HDGFL3: variants seen among roughly 807,000 people sequenced by gnomAD.
HDGFL3 encodes the protein hepatoma-derived growth factor-related protein 3.
Under a neutral mutation model 27.6 loss-of-function variants are expected in HDGFL3, and 6 were observed. The ratio of observed to expected loss-of-function variants is 0.22; its 90% CI spans 0.12 to 0.43. The LOEUF is 0.43. Ranked by LOEUF, HDGFL3 falls within the 20% of genes least tolerant of loss-of-function variation. The probability of loss-of-function intolerance (pLI) is 1.00; values close to 1 mark genes in which losing one functional copy is unlikely to be tolerated. For synonymous variants in HDGFL3, 88 were observed against 88.9 expected (o/e 0.99, Z 0.05); for missense variants, 207 against 250.1 (o/e 0.83, Z 1.16).
chr15:83,167,630 A>T (rs190650395), intron 1 of HDGFL3, among the ~76,000 whole-genome samples: 1 of 152,286 alleles, frequency 6.6e-6, no homozygotes, highest in Admixed American at 6.5e-5. Flanking sequence ...AAGAAGGTTT[A>T]ACCATTCGAA....
At chr15:83,206,107 T>C (rs1376307111) in intron 1 of HDGFL3, among the ~76,000 whole-genome samples, 1 of 152,224 alleles carries the variant, frequency 6.6e-6, no homozygotes, top group East Asian at 1.9e-4. Context: ...GTTCTTTCCA[T>C]TTGACAATCA....
At chr15:83,175,693 A>G (rs553064112) in intron 1 of HDGFL3, among the ~76,000 whole-genome samples, 1 of 152,184 alleles carries the variant, frequency 6.6e-6, no homozygotes, top group South Asian at 2.1e-4. Flanking sequence ...CCCTGTCTCT[A>G]CTAAAAAATA....
At chr15:83,178,917 T>G (rs994120702) in intron 1 of HDGFL3, among the ~76,000 whole-genome samples, 1 of 152,168 alleles carries the variant, frequency 6.6e-6, no homozygotes, top group African/African-American at 2.4e-5. Context: ...GACCTAAAGC[T>G]TGATATTAGT....
In HDGFL3 at chr15:83,157,851, G is replaced by A. The variant is rs768867268; in HGVS notation, c.300+52C>T. ...ACATATAAGAAAGATTTGAAAAAGC[G>A]TTAAAACCAAAGAAATGAGATATAG... On this transcript the variant is annotated intron_variant, in intron 3 of 5. Transcript: ENST00000299633. 96 of 1,550,896 alleles carry A rather than the reference G, an allele frequency of 6.2e-5. 1 individual carries two copies. Among genetic ancestry groups the A allele is most frequent in the South Asian group, 1.0e-4 (9 of 87,368 alleles).
At chr15:83,186,087 T>C (rs2037437910) in intron 1 of HDGFL3, 1 of 152,222 alleles carries the variant, frequency 6.6e-6, no homozygotes, top group African/African-American at 2.4e-5. Context: ...AGCTTGAAGA[T>C]GGATCTACTC....
At chr15:83,203,506 G>A (rs530926547) in intron 1 of HDGFL3, among the ~76,000 whole-genome samples, 1 of 152,010 alleles carries the variant, frequency 6.6e-6, no homozygotes, top group South Asian at 2.1e-4. Flanking sequence ...CTAAAAAAAA[G>A]AAAGATTCCT....
intron 1 of HDGFL3, among the ~76,000 whole-genome samples, chr15:83,184,313 T>C (rs2037415003): frequency 6.6e-6 from 1 of 152,212 alleles, no homozygotes; most frequent in Non-Finnish European, 1.5e-5. Flanking sequence ...TAAGTCAGTG[T>C]TTTATAAGCA....
intron 3 of HDGFL3, chr15:83,121,837 C>T (rs1596496420): frequency 2.0e-6 from 2 of 1,008,300 alleles, no homozygotes; most frequent in Non-Finnish European, 1.5e-6. Context: ...AGTTTGAATA[C>T]AAAATAATAT....
At chr15:83,127,750 G>A, downstream of HDGFL3, 1 of 346,148 alleles carries the variant, frequency 2.9e-6, no homozygotes, top group Non-Finnish European at 5.4e-6. Flanking sequence ...TACACACCCA[G>A]CATGTGGCAT....
chr15:83,162,586 T>A (rs778282969), intron 2 of HDGFL3, among the ~76,000 whole-genome samples: 3 of 152,176 alleles, frequency 2.0e-5, no homozygotes, highest in Non-Finnish European at 4.4e-5. Context: ...GAAAACATGA[T>A]CAGTTGCATA....
intron 1 of HDGFL3, among the ~76,000 whole-genome samples, chr15:83,173,122 C>T (rs2037266844): frequency 6.6e-6 from 1 of 152,198 alleles, no homozygotes; most frequent in South Asian, 2.1e-4. Context: ...CTTCTTTTCT[C>T]TTGGTTTCCA....
At chr15:83,161,749 G>GT (rs1410471970) in intron 2 of HDGFL3, among the ~76,000 whole-genome samples, 7 of 152,122 alleles carry the variant, frequency 4.6e-5, no homozygotes, top group Admixed American at 1.3e-4. Flanking sequence ...AAACAACCCT[G>GT]TTTTTTTCTG....
At chr15:83,173,433 T>C (rs1221077222) in intron 1 of HDGFL3, among the ~76,000 whole-genome samples, 1 of 152,208 alleles carries the variant, frequency 6.6e-6, no homozygotes, top group African/African-American at 2.4e-5. Flanking sequence ...ATTAAAAGCA[T>C]TTTTGACCTA....
chr15:83,125,873 G>C (rs1263975177), downstream of HDGFL3, among the ~76,000 whole-genome samples: 3 of 152,188 alleles, frequency 2.0e-5, no homozygotes, highest in African/African-American at 7.2e-5. Flanking sequence ...AAACTTTCTG[G>C]AGGAGAGCTG....
At chr15:83,187,073 G>A (rs1207677438) in intron 1 of HDGFL3, among the ~76,000 whole-genome samples, 1 of 151,390 alleles carries the variant, frequency 6.6e-6, no homozygotes, top group Non-Finnish European at 1.5e-5. Flanking sequence ...TCATTTTGGT[G>A]ACTATCTTTT....
intron 3 of HDGFL3, among the ~76,000 whole-genome samples, chr15:83,117,324 AG>A (rs2034755962): frequency 6.6e-6 from 1 of 152,120 alleles, no homozygotes; most frequent in Non-Finnish European, 1.5e-5. Context: ...AGGGCTTTGC[AG>A]GTCTTGAGCT....
chr15:83,184,957 T>C (rs191664548), intron 1 of HDGFL3: 5 of 152,004 alleles, frequency 3.3e-5, no homozygotes, highest in Non-Finnish European at 4.4e-5. Context: ...AAGAGGAGAG[T>C]TGGAGGTTAT....
At chr15:83,140,573 C>T (rs2036749376) in intron 5 of HDGFL3, among the ~76,000 whole-genome samples, 1 of 151,500 alleles carries the variant, frequency 6.6e-6, no homozygotes, top group Non-Finnish European at 1.5e-5. Context: ...CCTCCACCTC[C>T]CCGGTTCAAG....
rs889747795 is a variant in HDGFL3, at chr15:83,128,311, A to G, written c.*10959T>C. ...GAAAAATATAGTATTTAAGGGGTCA[A>G]TGCATTAAATCCTTTCAGTTTGAGG... On this transcript the variant is annotated 3_prime_UTR_variant, in exon 6 of 6. Transcript: ENST00000299633. 6.6e-6 allele frequency: 1 copy of G among 152,356 alleles called. No individual in the cohort carries two copies. The highest frequency in any genetic ancestry group is 2.1e-4 in the South Asian group (1 of 4,828). The allele number at this position is 152,356 out of a possible 1,614,324, so 9.4% of individuals were successfully genotyped here.
Sources: gnomAD v4.1 joint callset for allele counts (sites outside exome capture counted in the v4.1 genomes callset) on GRCh38, gnomAD v4.1.1 for gene constraint, MANE v1.5 for transcripts, NCBI Gene and HGNC (gene_info 2026-07-23, HGNC 2026-07-21) for gene names.